PRKCB: variants seen among roughly 807,000 people sequenced by gnomAD.
PRKCB encodes the protein protein kinase C beta type.
Under a neutral mutation model 81.5 loss-of-function variants are expected in PRKCB, and 13 were observed. The ratio of observed to expected loss-of-function variants is 0.16; its 90% CI spans 0.10 to 0.25. The LOEUF (loss-of-function observed/expected upper bound fraction) is 0.25. Ranked by LOEUF, PRKCB falls within the 10% of genes least tolerant of loss-of-function variation. The pLI, the probability that PRKCB is intolerant of heterozygous loss-of-function variation, is 1.00. For missense variants in PRKCB, 509 were observed against 875.7 expected, an observed-to-expected ratio of 0.58 and a Z score of 5.29; for synonymous variants, 335 against 321.4, an observed-to-expected ratio of 1.04 and a Z score of -0.45.
At chr16:24,072,356 C>A (rs546680481) in intron 5 of PRKCB, among the ~76,000 whole-genome samples, 1 of 152,018 alleles carries the variant, frequency 6.6e-6, no homozygotes, top group African/African-American at 2.4e-5. Flanking sequence ...CAGCCTGGAA[C>A]TCCTGAGCTC....
At chr16:23,911,048 G>A (rs548055464) in intron 2 of PRKCB, among the ~76,000 whole-genome samples, 1 of 135,904 alleles carries the variant, frequency 7.4e-6, no homozygotes, top group Admixed American at 7.6e-5. Context: ...ACCATATTTT[G>A]TCTATTTATT....
chr16:23,844,250 A>T (rs1326789887), intron 2 of PRKCB, among the ~76,000 whole-genome samples: 2 of 152,182 alleles, frequency 1.3e-5, no homozygotes, highest in African/African-American at 4.8e-5. Flanking sequence ...CAATCTCTTC[A>T]TTGAAATTGT....
At chr16:24,143,049 C>G (rs913096209) in intron 9 of PRKCB, among the ~76,000 whole-genome samples, 1 of 152,146 alleles carries the variant, frequency 6.6e-6, no homozygotes, top group Non-Finnish European at 1.5e-5. Flanking sequence ...TCACACCTTA[C>G]TGATGCTCTT....
intron 2 of PRKCB, among the ~76,000 whole-genome samples, chr16:23,873,322 G>A (rs567996073): frequency 2.0e-5 from 3 of 149,602 alleles, no homozygotes; most frequent in South Asian, 2.1e-4. Flanking sequence ...GCAGTGAGCC[G>A]AAATCGTGCC....
intron 2 of PRKCB, among the ~76,000 whole-genome samples, chr16:23,984,657 A>G (rs1466431977): frequency 6.6e-6 from 1 of 152,176 alleles, no homozygotes; most frequent in Non-Finnish European, 1.5e-5. Context: ...GAAGAAAGAA[A>G]CAAAGAAAGA....
chr16:24,209,097 C>T (rs745369903), intron 16 of PRKCB, among the ~76,000 whole-genome samples: 1 of 152,106 alleles, frequency 6.6e-6, no homozygotes, highest in Non-Finnish European at 1.5e-5. Flanking sequence ...GAAGAAACAG[C>T]CTTCTGGTGT....
chr16:23,977,262 C>G (rs184774750), intron 2 of PRKCB, among the ~76,000 whole-genome samples: 11 of 152,292 alleles, frequency 7.2e-5, no homozygotes, highest in Admixed American at 7.2e-4. Flanking sequence ...GGAACAGACC[C>G]TCCCAGATGT....
Position 24,216,988 on chromosome 16 carries a change from T to C in PRKCB, c.*2172T>C. 1.0e-6 allele frequency: 1 copy of C among 985,320 alleles called. No individual in the cohort carries two copies. The highest frequency in any genetic ancestry group is 1.2e-6 in the Non-Finnish European group (1 of 829,922). 61.0% of individuals were successfully genotyped at this position (985,320 alleles called of 1,614,324 possible). A position where few individuals can be genotyped will look rare whatever the true frequency, so the allele number is the denominator to read the frequency against. ...GGTTGGATCATGATCCCATTTTGCT[T>C]GGACATGCTCTCAGGAAGATAAAAA... On this transcript the variant is annotated 3_prime_UTR_variant, in exon 17 of 17. Coordinates refer to ENST00000643927, the MANE Select transcript of PRKCB (RefSeq NM_002738.7).
At chr16:24,185,744 T>C (rs559713263) in intron 15 of PRKCB, among the ~76,000 whole-genome samples, 177 bp downstream of exon 15, 1 of 152,236 alleles carries the variant, frequency 6.6e-6, no homozygotes, top group Non-Finnish European at 1.5e-5. Context: ...GAGAGCTTTT[T>C]TTCTGATTTG....
At chr16:23,843,698 A>G (rs1221388688) in intron 2 of PRKCB, among the ~76,000 whole-genome samples, 5 of 151,492 alleles carry the variant, frequency 3.3e-5, no homozygotes, top group Admixed American at 6.6e-5. Flanking sequence ...CTTAGGATAT[A>G]ATTTTTAAAA....
intron 2 of PRKCB, among the ~76,000 whole-genome samples, chr16:23,840,051 G>C (rs760039106): frequency 2.0e-5 from 3 of 152,146 alleles, no homozygotes; most frequent in Non-Finnish European, 4.4e-5. Context: ...GGAGGAGTGA[G>C]GGGAGGGGCA....
At chr16:24,147,433 A>C (rs986861083) in intron 9 of PRKCB, among the ~76,000 whole-genome samples, 4 of 152,162 alleles carry the variant, frequency 2.6e-5, no homozygotes, top group Non-Finnish European at 5.9e-5. Context: ...TCATGCCTAG[A>C]ACAAAATTCC....
In PRKCB at chr16:24,216,319, G is replaced by A; in HGVS notation, c.*1503G>A. ...TCAAAATCACCACTCCTCCCAGCTT[G>A]GACTAAATATTCTTTCTAGCAAGCA... On this transcript the variant is annotated 3_prime_UTR_variant, in exon 17 of 17. Coordinates refer to ENST00000643927, the MANE Select transcript of PRKCB (RefSeq NM_002738.7). The A allele has an allele frequency of 2.0e-6, 2 of 985,422 alleles. No individual in the cohort carries two copies. Among genetic ancestry groups the A allele is most frequent in the Non-Finnish European group, 2.4e-6 (2 of 829,940 alleles). 61.0% of individuals were successfully genotyped at this position (985,422 alleles called of 1,614,324 possible).
At chr16:23,921,471 T>C (rs1963823739) in intron 2 of PRKCB, among the ~76,000 whole-genome samples, 1 of 152,102 alleles carries the variant, frequency 6.6e-6, no homozygotes, top group Non-Finnish European at 1.5e-5. Context: ...TATAAACTAT[T>C]ATAGAAAATG....
chr16:24,219,029 G>A lies in PRKCB; in HGVS notation c.*4213G>A. ...ACTCCAGCTCCACCTGCCCCAGGTG[G>A]GTGTGGTGATGATGAGGAAAGACAA... On this transcript the variant is annotated 3_prime_UTR_variant, in exon 17 of 17. Transcript: ENST00000643927. 2 of 985,392 alleles carry A rather than the reference G, an allele frequency of 2.0e-6. No individual in the cohort carries two copies. Among genetic ancestry groups the A allele is most frequent in the Non-Finnish European group, 2.4e-6 (2 of 829,960 alleles). The allele number at this position is 985,392 out of a possible 1,614,324, so 61.0% of individuals were successfully genotyped here. A position where few individuals can be genotyped will look rare whatever the true frequency, so the allele number is the denominator to read the frequency against.
intron 16 of PRKCB, chr16:24,203,262 A>AG (rs1253764070): frequency 1.3e-5 from 2 of 151,850 alleles, no homozygotes; most frequent in Non-Finnish European, 2.9e-5. Context: ...AAAAAAAAAA[A>AG]AGTGGATAAC....
intron 9 of PRKCB, 70 bp downstream of exon 9, chr16:24,124,051 C>A: frequency 1.3e-6 from 2 of 1,570,630 alleles, no homozygotes; most frequent in South Asian, 2.3e-5. Context: ...ATTTGCTGTT[C>A]CTATGGGACG....
chr16:24,077,588 C>T (rs1966196117), intron 5 of PRKCB, among the ~76,000 whole-genome samples: 1 of 152,212 alleles, frequency 6.6e-6, no homozygotes, highest in East Asian at 1.9e-4. Context: ...GCCAACTCAT[C>T]CATCCATGTA....
At chr16:23,873,318 A>C (rs547750911) in intron 2 of PRKCB, among the ~76,000 whole-genome samples, 1 of 151,164 alleles carries the variant, frequency 6.6e-6, no homozygotes, top group South Asian at 2.1e-4. Flanking sequence ...GGTTGCAGTG[A>C]GCCGAAATCG....
Sources: gnomAD v4.1 joint callset for allele counts (sites outside exome capture counted in the v4.1 genomes callset) on GRCh38, gnomAD v4.1.1 for gene constraint, MANE v1.5 for transcripts, NCBI Gene and HGNC (gene_info 2026-07-23, HGNC 2026-07-21) for gene names.